Variants in PADI4 observed in about 807,000 individuals in gnomAD.
The protein encoded by PADI4 is protein-arginine deiminase type-4.
PADI4 carries 62 observed loss-of-function variants against 75.0 expected under a neutral mutation model. The ratio of observed to expected loss-of-function variants is 0.83; its 90% CI spans 0.67 to 1.02. The LOEUF (loss-of-function observed/expected upper bound fraction) is 1.02, where lower values mean the gene tolerates loss of function less well. Ranked by LOEUF, PADI4 falls within the 50% of genes least tolerant of loss-of-function variation. PADI4 has a pLI of 0.00. For missense variants in PADI4, 845 were observed against 850.5 expected (o/e 0.99, Z 0.08); for synonymous variants, 361 against 348.1 (o/e 1.04, Z -0.41).
chr1:17,314,845 G>C (rs532676693), intron 1 of PADI4, among the ~76,000 whole-genome samples: 4 of 152,406 alleles, frequency 2.6e-5, no homozygotes, highest in African/African-American at 9.6e-5. Flanking sequence ...GGTGATGGCT[G>C]AGTGCAAAAC....
intron 5 of PADI4, among the ~76,000 whole-genome samples, chr1:17,339,289 A>G (rs1355835618): frequency 6.6e-6 from 1 of 152,206 alleles, no homozygotes; most frequent in Non-Finnish European, 1.5e-5. Context: ...GCTCAGGACC[A>G]GCACAGAAAC....
At chr1:17,347,896 C>A in intron 9 of PADI4, 45 bp from the exon 10 acceptor site, 3 of 1,178,244 alleles carry the variant, frequency 2.5e-6, no homozygotes, top group Admixed American at 2.1e-5. Flanking sequence ...GGCACCAAGA[C>A]CCAGGCAGCA....
rs1557580088 is a variant in PADI4 at position 17,354,571 on chromosome 1, AG to A, written c.1199del (p.Gly400ValfsTer13). 1.9e-6 allele frequency: 3 copies of A among 1,614,076 alleles called. No individual in the cohort carries two copies. The highest frequency in any genetic ancestry group is 1.7e-5 in the Admixed American group (1 of 60,014). ...GCTATGTAACTCGAGGGCCCCAAAC[AG>A]GGGGTATCAGTGGACTGGACTCCTT... ...FGYVTRGPQT[G>X]GISGLDSFGN... On this transcript the variant is annotated frameshift_variant, in exon 11 of 16. Coordinates refer to ENST00000375448, the MANE Select transcript of PADI4 (RefSeq NM_012387.3). LOFTEE classifies it high-confidence loss of function.
intron 1 of PADI4, among the ~76,000 whole-genome samples, chr1:17,311,009 A>G (rs2073814377): frequency 6.6e-6 from 1 of 151,824 alleles, no homozygotes; most frequent in Admixed American, 6.6e-5. Context: ...AGGCAGGAGA[A>G]TCGCTTGAAC....
At chr1:17,333,825 C>G in intron 2 of PADI4, 118 bp from the exon 3 acceptor site, 1 of 724,984 alleles carries the variant, frequency 1.4e-6, no homozygotes, top group Non-Finnish European at 2.5e-6. Flanking sequence ...AGGCTAGGAC[C>G]AGTTCTTGCC....
chr1:17,338,548 A>G (rs955100172), intron 5 of PADI4, among the ~76,000 whole-genome samples: 3 of 152,240 alleles, frequency 2.0e-5, no homozygotes, highest in African/African-American at 7.2e-5. Context: ...GACTCTGACC[A>G]CTTTGGAATG....
Position 17,331,500 on chromosome 1 carries a change from G to T in PADI4, c.273+351G>T, listed in dbSNP as rs142012304. On this transcript the variant is annotated intron_variant, in intron 2 of 15. Transcript: ENST00000375448. ...ACAACCTATGAATGGTAGCATCAGAGAATCTACTGGTAAACAAACAATTGC... is the reference window on the plus strand; with the variant it reads ...ACAACCTATGAATGGTAGCATCAGATAATCTACTGGTAAACAAACAATTGC... Among the ~76,000 whole-genome samples the T allele has an allele frequency of 8.7e-4, 133 of 152,338 alleles. 1 individual carries two copies. In the East Asian group the frequency reaches 0.022, roughly 25 times the overall value.
rs141716175 is a variant in PADI4, at chr1:17,338,216, C to T, written c.526+61C>T. 7.0e-3 allele frequency: 7,227 copies of T among 1,034,692 alleles called. 40 individuals carry two copies. The highest frequency in any genetic ancestry group is 9.9e-3 in the Non-Finnish European group (6,487 of 656,496). The allele number at this position is 1,034,692 out of a possible 1,614,324, so 64.1% of individuals were successfully genotyped here. ...TTATAAAGCCCTTTTGCCCACATAG[C>T]CTGAACCTGGTGACGGCCCTCTGAA... is the stretch of plus-strand genomic sequence containing the variant. On this transcript the variant is annotated intron_variant, in intron 5 of 15. Transcript: ENST00000375448.
chr1:17,348,292 C>T (rs867506667), intron 10 of PADI4: 2 of 379,844 alleles, frequency 5.3e-6, no homozygotes, highest in South Asian at 4.5e-5. Context: ...CTCCAGGTAA[C>T]CCTGCCGAGG....
intron 1 of PADI4, among the ~76,000 whole-genome samples, chr1:17,312,708 CTT>C (rs1252324960): frequency 6.6e-6 from 1 of 152,066 alleles, no homozygotes; most frequent in Admixed American, 6.6e-5. Context: ...AGAGGGATAA[CTT>C]TGATTTCTGT....
chr1:17,326,082 C>G (rs763221479), intron 1 of PADI4, among the ~76,000 whole-genome samples: 23 of 151,740 alleles, frequency 1.5e-4, no homozygotes, highest in Non-Finnish European at 2.9e-4. Flanking sequence ...TTTTGTTAAC[C>G]TTTTATCAAC....
chr1:17,342,267 GC>G, intron 7 of PADI4, 31 bp from the exon 8 acceptor site: 1 of 1,456,080 alleles, frequency 6.9e-7, no homozygotes. Context: ...AGCGGTGACA[GC>G]CCCTCCTTCC....
rs1248034392 is a variant in PADI4 at position 17,354,593 on chromosome 1, T to G, written c.1216T>G (p.Ser406Ala). The G allele has an allele frequency of 6.2e-7, 1 of 1,613,958 alleles. No individual in the cohort carries two copies. The highest frequency in any genetic ancestry group is 1.3e-5 in the African/African-American group (1 of 74,920). ...PQTGGISGLD[S>A]FGNLEVSPPV... ...AACAGGGGGTATCAGTGGACTGGAC[T>G]CCTTTGGGAACCTGGAAGTGAGCCC... Residue 406 changes from serine (S) to alanine (A), a missense_variant, in exon 11 of 16, where the codon TCC becomes GCC. Transcript: ENST00000375448.
chr1:17,333,885 TC>T (rs1217789485), intron 2 of PADI4, 57 bp from the exon 3 acceptor site: 5 of 1,310,510 alleles, frequency 3.8e-6, no homozygotes, highest in Non-Finnish European at 5.5e-6. Flanking sequence ...TAGGAGGGGG[TC>T]CAGTGGGTGT....
At chr1:17,349,129 G>A (rs542251640) in intron 10 of PADI4, among the ~76,000 whole-genome samples, 1 of 152,292 alleles carries the variant, frequency 6.6e-6, no homozygotes, top group East Asian at 1.9e-4. Flanking sequence ...TCAGCCATGG[G>A]GTCGAGTTCA....
At chr1:17,335,643 C>A (rs962184177) in intron 3 of PADI4, among the ~76,000 whole-genome samples, 1 of 152,214 alleles carries the variant, frequency 6.6e-6, no homozygotes, top group East Asian at 1.9e-4. Flanking sequence ...CTCAGCCAAG[C>A]CATTTGGACA....
intron 13 of PADI4, among the ~76,000 whole-genome samples, chr1:17,357,732 G>A (rs2074784215): frequency 6.8e-6 from 1 of 148,112 alleles, no homozygotes; most frequent in African/African-American, 2.5e-5. Context: ...GGAGTTCAAG[G>A]CCAGCTAGGC....
Position 17,359,371 on chromosome 1 carries a change from A to G in PADI4, c.1721A>G (p.Lys574Arg). The G allele has an allele frequency of 6.2e-7, 1 of 1,614,100 alleles. No individual in the cohort carries two copies. The highest frequency in any genetic ancestry group is 1.1e-5 in the South Asian group (1 of 91,068). ...IIDIPQLFKL[K>R]EFSKAEAFFP... Reference sequence around the variant, plus strand: ...GACATCCCGCAGCTCTTCAAGCTCAAAGAGTTCTCTAAGGCGGAAGCTTTT... The same window carrying G: ...GACATCCCGCAGCTCTTCAAGCTCAGAGAGTTCTCTAAGGCGGAAGCTTTT... Residue 574 changes from lysine (K) to arginine (R), a missense_variant, in exon 15 of 16, where the codon AAA becomes AGA. By Grantham distance (26) the Lys-to-Arg change is conservative. Transcript: ENST00000375448.
intron 1 of PADI4, among the ~76,000 whole-genome samples, chr1:17,327,505 A>G (rs577003573): frequency 1.1e-4 from 16 of 150,552 alleles, no homozygotes; most frequent in African/African-American, 3.9e-4. Flanking sequence ...CTCTCTTTTA[A>G]CTGGCAATAT....
Sources: allele counts gnomAD v4.1 joint callset (sites outside exome capture counted in the v4.1 genomes callset), GRCh38; gene constraint gnomAD v4.1.1; transcripts MANE v1.5; gene names NCBI Gene and HGNC (gene_info 2026-07-23, HGNC 2026-07-21).